CARMIL3: variants seen among roughly 807,000 people sequenced by gnomAD.
The protein encoded by CARMIL3 is capping protein, Arp2/3 and myosin-I linker protein 3.
CARMIL3 carries 88 observed loss-of-function variants against 180.8 expected under a neutral mutation model. That is an observed-to-expected ratio of 0.49 (90% CI 0.41 to 0.58). CARMIL3 has a LOEUF of 0.58. CARMIL3 is among the 20% of genes least tolerant of loss of function. CARMIL3 has a pLI of 0.00. For missense variants in CARMIL3, 1,548 were observed against 1,787.0 expected, an observed-to-expected ratio of 0.87 and a Z score of 2.41; for synonymous variants, 696 against 714.5, an observed-to-expected ratio of 0.97 and a Z score of 0.41.
rs369031655 is a variant in CARMIL3 at position 24,067,107 on chromosome 14, G to A, written c.3682+451G>A. ...GTTTATCAACTCACCCTCAGCTCAC[G>A]CAGAAAGGTGCCCCAAACATGGGCA... On this transcript the variant is annotated intron_variant, in intron 36 of 39. Coordinates refer to ENST00000342740, the MANE Select transcript of CARMIL3 (RefSeq NM_138360.4). 6.6e-5 allele frequency among the ~76,000 whole-genome samples: 10 copies of A among 152,302 alleles called. No individual in the cohort carries two copies. In the East Asian group the frequency reaches 7.7e-4, roughly 12 times the overall value.
At chr14:24,057,349 C>G (rs1165254306) in intron 14 of CARMIL3, 105 bp downstream of exon 14, 3 of 1,015,754 alleles carry the variant, frequency 3.0e-6, no homozygotes, top group Non-Finnish European at 4.5e-6. Flanking sequence ...GCAGAGCTGT[C>G]TAGATGACTT....
Position 24,065,050 on chromosome 14 carries a change from T to A in CARMIL3, c.3173T>A (p.Phe1058Tyr), listed in dbSNP as rs2035770945. Residue 1058 changes from phenylalanine (F) to tyrosine (Y), a missense_variant, in exon 33 of 40, where the codon TTT becomes TAT. Coordinates refer to ENST00000342740, the MANE Select transcript of CARMIL3 (RefSeq NM_138360.4). ...QKKRRRGLFH[F>Y]RRPRSFKGDR... Reference sequence around the variant, plus strand: ...AAGAGGCGCCGGGGCCTGTTTCACTTTCGCCGGCCCCGGAGCTTCAAGGGG... The same window carrying A: ...AAGAGGCGCCGGGGCCTGTTTCACTATCGCCGGCCCCGGAGCTTCAAGGGG... The A allele has an allele frequency of 6.2e-7, 1 of 1,607,120 alleles. No homozygotes were observed. The highest frequency in any genetic ancestry group is 1.3e-5 in the African/African-American group (1 of 74,430).
intron 27 of CARMIL3, 80 bp from the exon 28 acceptor site, chr14:24,062,400 T>A (rs2035741018): frequency 7.7e-7 from 1 of 1,295,786 alleles, no homozygotes; most frequent in Middle Eastern, 1.9e-4. Flanking sequence ...TCTCTCAGGC[T>A]TCTGGGAGAG....
At chr14:24,052,514 A>C (rs1388162810) in intron 1 of CARMIL3, among the ~76,000 whole-genome samples, 1 of 151,902 alleles carries the variant, frequency 6.6e-6, no homozygotes, top group Non-Finnish European at 1.5e-5. Flanking sequence ...CCAGTCTCCC[A>C]TCCGGAGAGT....
rs2035699867 is a variant in CARMIL3, at chr14:24,058,726, T to C, written c.1439T>C (p.Val480Ala). ...AQALQEQLGA[V>A]TCVGSLDLSD... is the part of the protein sequence containing the mutation. ...GCCTTGCAGGAGCAGCTGGGAGCTG[T>C]CACCTGTGTAGGCAGCCTGGATCTG... Residue 480 changes from valine (V) to alanine (A), a missense_variant, in exon 18 of 40, where the codon GTC becomes GCC. Physicochemically the swap from Val to Ala is moderately conservative, Grantham distance 64. Coordinates refer to ENST00000342740, the MANE Select transcript of CARMIL3 (RefSeq NM_138360.4). This position sits in a 1 kb window ranked among gnomAD's most constrained non-coding sequence, Gnocchi z 6.4. The C allele has an allele frequency of 6.2e-7, 1 of 1,614,130 alleles. No individual in the cohort carries two copies. Among genetic ancestry groups the C allele is most frequent in the Non-Finnish European group, 8.5e-7 (1 of 1,180,004 alleles).
intron 27 of CARMIL3, chr14:24,062,022 GC>G (rs1276142823): frequency 1.2e-5 from 4 of 320,578 alleles, no homozygotes; most frequent in Non-Finnish European, 2.3e-5. Context: ...AGTTTTCATT[GC>G]CCCTAGAGTT....
At chr14:24,065,499 T>G in intron 33 of CARMIL3, 123 bp from the exon 34 acceptor site, 1 of 1,397,558 alleles carries the variant, frequency 7.2e-7, no homozygotes. Context: ...CTTCAGAGGG[T>G]CTCTGCAGGG....
chr14:24,069,433 C>T lies in CARMIL3; in HGVS notation c.*29C>T, dbSNP rs749850882. ...CTGCCACAACACCCTCCTCAGCCCT[C>T]GACATGTGCCTCGCAAGGACTCAGA... is the stretch of plus-strand genomic sequence containing the variant. On this transcript the variant is annotated 3_prime_UTR_variant, in exon 40 of 40. Coordinates refer to ENST00000342740, the MANE Select transcript of CARMIL3 (RefSeq NM_138360.4). 6.3e-5 allele frequency: 101 copies of T among 1,613,960 alleles called. No homozygotes were observed. Among genetic ancestry groups the T allele is most frequent in the Non-Finnish European group, 8.2e-5 (97 of 1,179,988 alleles).
intron 36 of CARMIL3, among the ~76,000 whole-genome samples, chr14:24,067,052 C>T (rs1212057762): frequency 2.6e-5 from 4 of 152,220 alleles, no homozygotes; most frequent in Non-Finnish European, 5.9e-5. Context: ...GTGCCAGGCC[C>T]ACCTCAGATT....
rs937434064 is a variant in CARMIL3, at chr14:24,065,543, G to A, written c.3397-79G>A. On this transcript the variant is annotated intron_variant, in intron 33 of 39. Transcript: ENST00000342740. ...TGGCTAGGGACTCAGTGAGGCAGGGGTCCTCCTGACAACTCCCTCACAGCC... is the reference window on the plus strand; with the variant it reads ...TGGCTAGGGACTCAGTGAGGCAGGGATCCTCCTGACAACTCCCTCACAGCC... 14 of 1,526,600 alleles carry A rather than the reference G, an allele frequency of 9.2e-6. No homozygotes were observed. In the African/African-American group the frequency reaches 1.4e-4, roughly 15 times the overall value. 94.6% of individuals were successfully genotyped at this position (1,526,600 alleles called of 1,614,324 possible).
chr14:24,069,308 C>G (rs370157799), intron 39 of CARMIL3, 61 bp downstream of exon 39: 2 of 1,612,946 alleles, frequency 1.2e-6, no homozygotes, highest in African/African-American at 1.3e-5. Context: ...TGACACCCCC[C>G]GAAGCCCCAA....
chr14:24,057,829 C>G lies in CARMIL3; in HGVS notation c.1167C>G (p.Cys389Trp), dbSNP rs750105144. The change falls in exon 15 of 40, where the codon TGC becomes TGG. Residue 389 changes from cysteine (C) to tryptophan (W), a missense_variant. Around this residue, in one of 4 missense-constraint regions of CARMIL3, gnomAD observed 578 missense variants for 666.5 expected, o/e 0.87. Coordinates refer to ENST00000342740, the MANE Select transcript of CARMIL3 (RefSeq NM_138360.4). ...DLLLGALLHGCCSHLTYLNLA... is the reference protein window; with the variant it reads ...DLLLGALLHGWCSHLTYLNLA... ...TTCTCGGTGCCCTGCTCCACGGCTG[C>G]TGCTCCCACCTCACCTACCTCAACC... The G allele has an allele frequency of 6.2e-7, 1 of 1,610,654 alleles. No homozygotes were observed. Among genetic ancestry groups the G allele is most frequent in the Non-Finnish European group, 8.5e-7 (1 of 1,179,680 alleles).
In CARMIL3 at chr14:24,061,717, A is replaced by G. The variant is rs896549560; in HGVS notation, c.2480+45A>G. ...GCTGGGGCTGAGCTGGATTTGGCCC[A>G]GATCACTTAGGGACTTAGGACTGGA... is the stretch of plus-strand genomic sequence containing the variant. On this transcript the variant is annotated intron_variant, in intron 27 of 39. Transcript: ENST00000342740. The surrounding 1 kb of genome is among the most constrained non-coding windows in gnomAD (Gnocchi z 4.1). 19 of 1,589,344 alleles carry G rather than the reference A, an allele frequency of 1.2e-5. No homozygotes were observed. The highest frequency in any genetic ancestry group is 1.5e-5 in the Non-Finnish European group (18 of 1,164,476).
In CARMIL3 at chr14:24,060,718, G is replaced by A. The variant is rs765102810; in HGVS notation, c.2152G>A (p.Ala718Thr). ...LEPVQDELLYARDLIKDAKNS... is the reference protein window; with the variant it reads ...LEPVQDELLYTRDLIKDAKNS... Reference sequence around the variant, plus strand: ...GCCTGTGCAGGATGAGCTACTCTACGCTCGGGACCTCATCAAAGATGCCAA... The same window carrying A: ...GCCTGTGCAGGATGAGCTACTCTACACTCGGGACCTCATCAAAGATGCCAA... The change falls in exon 25 of 40, where the codon GCT becomes ACT. Residue 718 changes from alanine to threonine, a missense_variant. Coordinates refer to ENST00000342740, the MANE Select transcript of CARMIL3 (RefSeq NM_138360.4). 5.6e-6 allele frequency: 9 copies of A among 1,614,006 alleles called. No homozygotes were observed. The highest frequency in any genetic ancestry group is 1.7e-5 in the Admixed American group (1 of 60,022).
In CARMIL3 at chr14:24,065,757, G is replaced by T; in HGVS notation, c.3525+7G>T. ...CTTCGATGGGAAACGAGAGGTGAGT[G>T]GAGCCTGGGACAACAAACTGTGGGT... is the stretch of plus-strand genomic sequence containing the variant. On this transcript the variant is annotated splice_region_variant and intron_variant, in intron 34 of 39. Transcript: ENST00000342740. 1 of 1,613,626 alleles carries T rather than the reference G, an allele frequency of 6.2e-7. No homozygotes were observed. Among genetic ancestry groups the T allele is most frequent in the South Asian group, 1.1e-5 (1 of 91,024 alleles).
At position 24,055,688 on chromosome 14, in the gene CARMIL3, C is replaced by T. The variant is rs781684401; in HGVS notation, c.682-13C>T. ...CCTTGGCCCCTGATCACAAGACCCC[C>T]CTCTGTCCTCAGGGCTCTGAAGTGC... On this transcript the variant is annotated splice_polypyrimidine_tract_variant and intron_variant, in intron 9 of 39. Coordinates refer to ENST00000342740, the MANE Select transcript of CARMIL3 (RefSeq NM_138360.4). The T allele has an allele frequency of 6.2e-7, 1 of 1,614,078 alleles. No homozygotes were observed. Among genetic ancestry groups the T allele is most frequent in the South Asian group, 1.1e-5 (1 of 91,078 alleles).
rs763831749 is a variant in CARMIL3, at chr14:24,062,810, T to C, written c.2670T>C (p.His890=). The C allele has an allele frequency of 6.8e-6, 11 of 1,613,214 alleles. No homozygotes were observed. In the African/African-American group the frequency reaches 1.2e-4, roughly 18 times the overall value. ...GGGGCCGAGGCCGGAACCATGACCATGAGGAGACCACAGATGATGAACTTG... is the reference window on the plus strand; with the variant it reads ...GGGGCCGAGGCCGGAACCATGACCACGAGGAGACCACAGATGATGAACTTG... ...SSRGRGRNHD[H]EETTDDELGT... is the part of the protein sequence containing the mutation. The change falls in exon 29 of 40, where the codon CAT becomes CAC. Residue 890 remains histidine, a synonymous_variant. Coordinates refer to ENST00000342740, the MANE Select transcript of CARMIL3 (RefSeq NM_138360.4).
At position 24,059,398 on chromosome 14, in the gene CARMIL3, G is replaced by A; in HGVS notation, c.1755G>A (p.Gly585=). The A allele has an allele frequency of 6.2e-7, 1 of 1,605,436 alleles. No homozygotes were observed. The highest frequency in any genetic ancestry group is 8.5e-7 in the Non-Finnish European group (1 of 1,176,060). ...DLSGNGMEDI[G]AKMLSKALQI... is the part of the protein sequence containing the mutation. ...GCGGCAATGGCATGGAGGACATCGG[G>A]GCCAAGATGCTGTCTAAGGCCCTGC... Residue 585 remains glycine, a synonymous_variant, in exon 21 of 40, where the codon GGG becomes GGA. Coordinates refer to ENST00000342740, the MANE Select transcript of CARMIL3 (RefSeq NM_138360.4). The surrounding 1 kb of genome is among the most constrained non-coding windows in gnomAD (Gnocchi z 6.3).
chr14:24,064,270 G>A lies in CARMIL3; in HGVS notation c.3004G>A (p.Glu1002Lys), dbSNP rs998564953. 6.2e-7 allele frequency: 1 copy of A among 1,612,744 alleles called. No homozygotes were observed. Among genetic ancestry groups the A allele is most frequent in the Non-Finnish European group, 8.5e-7 (1 of 1,179,464 alleles). The change falls in exon 32 of 40, where the codon GAG (glutamate) becomes AAG (lysine). Residue 1002 changes from glutamate to lysine, a missense_variant. Physicochemically the swap from Glu to Lys is moderately conservative, Grantham distance 56. Transcript: ENST00000342740. Reference protein sequence around the residue: ...PSMPAPGTRQENGMATRLDEG... With the variant: ...PSMPAPGTRQKNGMATRLDEG... The stretch of plus-strand genomic sequence containing the variant: ...GATGCCAGCACCTGGGACTCGTCAG[G>A]AGAATGGGATGGCCACCCGCCTGGA...
Sources: allele counts gnomAD v4.1 joint callset (sites outside exome capture counted in the v4.1 genomes callset), GRCh38; gene constraint gnomAD v4.1.1; regional missense constraint gnomAD v4.1.1; non-coding constraint Gnocchi (gnomAD v3.1); transcripts MANE v1.5; gene names NCBI Gene and HGNC (gene_info 2026-07-23, HGNC 2026-07-21).